The following LARP4B variants were observed in gnomAD, a reference collection of about 807,000 sequenced individuals.
LARP4B encodes La ribonucleoprotein 4B, also known as la-related protein 4B.
In LARP4B, 12 loss-of-function variants were observed where a neutral mutation model predicts 89.8. That is an observed-to-expected ratio of 0.13 (90% CI 0.09 to 0.22). The LOEUF (loss-of-function observed/expected upper bound fraction) is 0.22. Among genes scored for constraint, LARP4B ranks in the 10% least tolerant of loss-of-function variants. The probability of loss-of-function intolerance (pLI) is 1.00; values close to 1 mark genes in which losing one functional copy is unlikely to be tolerated. For missense variants in LARP4B, 757 were observed against 947.7 expected (o/e 0.80, Z 2.64); for synonymous variants, 367 against 363.3 (o/e 1.01, Z -0.12).
chr10:860,229 G>T (rs1307532723), intron 5 of LARP4B, among the ~76,000 whole-genome samples: 1 of 152,084 alleles, frequency 6.6e-6, no homozygotes, highest in African/African-American at 2.4e-5. Context: ...TAAAAAGGAT[G>T]TTTGATAGCA....
At chr10:872,650 A>G (rs1835276288) in intron 3 of LARP4B, among the ~76,000 whole-genome samples, 1 of 152,210 alleles carries the variant, frequency 6.6e-6, no homozygotes, top group African/African-American at 2.4e-5. Flanking sequence ...TAGCTGGGTA[A>G]CAGTGCAGAT....
At chr10:826,350 A>C (rs781414537) in intron 11 of LARP4B, among the ~76,000 whole-genome samples, 8 of 152,186 alleles carry the variant, frequency 5.3e-5, no homozygotes, top group Non-Finnish European at 7.3e-5. Flanking sequence ...CTTTACCCCG[A>C]CACAAGTCCT....
the LARP4B span, among the ~76,000 whole-genome samples, chr10:958,371 G>T: frequency 6.6e-6 from 1 of 152,176 alleles, no homozygotes; most frequent in Non-Finnish European, 1.5e-5. Flanking sequence ...TGTTCCTCAC[G>T]CTCAGTGCCT....
Position 813,079 on chromosome 10 carries a change from C to T in LARP4B, c.2064G>A (p.Glu688=). The change falls in exon 18 of 18, where the codon GAG becomes GAA. Residue 688 remains glutamate, a synonymous_variant. Coordinates refer to ENST00000316157, the MANE Select transcript of LARP4B (RefSeq NM_015155.3). The stretch of plus-strand genomic sequence containing the variant: ...GGGGCTCCCGGTATCTCTCTGCGGG[C>T]TCTGCCAGCTTCTTTTCCTCCTTCC... ...GCGKEEKKLA[E]PAERYREPPA... The T allele has an allele frequency of 6.2e-7, 1 of 1,614,196 alleles. No individual in the cohort carries two copies. The highest frequency in any genetic ancestry group is 8.5e-7 in the Non-Finnish European group (1 of 1,180,050).
chr10:864,079 G>A, intron 4 of LARP4B, 44 bp downstream of exon 4: 1 of 1,611,050 alleles, frequency 6.2e-7, no homozygotes, highest in Non-Finnish European at 8.5e-7. Context: ...AAAAGCACAG[G>A]CCTGAAAGCA....
the LARP4B span, among the ~76,000 whole-genome samples, chr10:951,378 G>A: frequency 0.2 from 30,239 of 151,802 alleles, 3,149 homozygotes; most frequent in East Asian, 0.32. Flanking sequence ...GTGAAACCCC[G>A]TCTCTACTAA....
intron 3 of LARP4B, among the ~76,000 whole-genome samples, chr10:877,694 G>A (rs1166727105): frequency 2.0e-5 from 3 of 152,192 alleles, no homozygotes. Context: ...AAACGGAAGT[G>A]TTAGGAGAGT....
chr10:850,469 T>C (rs1018240524), intron 5 of LARP4B, among the ~76,000 whole-genome samples: 1 of 152,180 alleles, frequency 6.6e-6, no homozygotes, highest in Non-Finnish European at 1.5e-5. Flanking sequence ...CAAAAAAGTC[T>C]TCAAAATACG....
rs377605447 is a variant in LARP4B, at chr10:819,620, A to C, written c.1530+1180T>G. ...AGGAATGCAAGGCAAAACAGAACGG[A>C]AGAGAAATGGCTGTGGGAAAACATC... On this transcript the variant is annotated intron_variant, in intron 14 of 17. Transcript: ENST00000316157. 1.9e-3 allele frequency: 295 copies of C among 152,412 alleles called. 1 individual carries two copies. The highest frequency in any genetic ancestry group is 6.7e-3 in the African/African-American group (277 of 41,590). The allele number at this position is 152,412 out of a possible 1,614,324, so 9.4% of individuals were successfully genotyped here.
At chr10:844,012 G>A (rs1833657045) in intron 6 of LARP4B, among the ~76,000 whole-genome samples, 1 of 152,246 alleles carries the variant, frequency 6.6e-6, no homozygotes, top group Non-Finnish European at 1.5e-5. Flanking sequence ...ATGTAATGTA[G>A]TGAACAAGGC....
intron 2 of LARP4B, among the ~76,000 whole-genome samples, chr10:885,048 A>G (rs1270413016): frequency 6.6e-6 from 1 of 152,196 alleles, no homozygotes; most frequent in African/African-American, 2.4e-5. Context: ...CCCAAAAAAT[A>G]TGGCACATTG....
At chr10:829,165 G>C (rs1037893005) in intron 11 of LARP4B, among the ~76,000 whole-genome samples, 1 of 152,194 alleles carries the variant, frequency 6.6e-6, no homozygotes. Context: ...TGACAAGAGG[G>C]GAGACGGGCT....
In LARP4B at chr10:812,873, G is replaced by C; in HGVS notation, c.*53C>G. The C allele has an allele frequency of 6.8e-7, 1 of 1,477,022 alleles. No individual in the cohort carries two copies. Among genetic ancestry groups the C allele is most frequent in the South Asian group, 1.4e-5 (1 of 70,486 alleles). The allele number at this position is 1,477,022 out of a possible 1,614,324, so 91.5% of individuals were successfully genotyped here. A position where few individuals can be genotyped will look rare whatever the true frequency, so the allele number is the denominator to read the frequency against. On this transcript the variant is annotated 3_prime_UTR_variant, in exon 18 of 18. Coordinates refer to ENST00000316157, the MANE Select transcript of LARP4B (RefSeq NM_015155.3). ...TCGCCCTCGCACTGAGTGGGAGAGTGTCTCGTTTGTGGTTAACACAGCGCT... is the reference window on the plus strand; with the variant it reads ...TCGCCCTCGCACTGAGTGGGAGAGTCTCTCGTTTGTGGTTAACACAGCGCT...
intron 3 of LARP4B, among the ~76,000 whole-genome samples, chr10:867,737 T>C (rs1834982531): frequency 6.6e-6 from 1 of 151,848 alleles, no homozygotes. Flanking sequence ...GGCACACACC[T>C]GTAATCCCAG....
upstream of LARP4B, among the ~76,000 whole-genome samples, chr10:933,953 C>T (rs1277987286): frequency 6.6e-6 from 1 of 152,002 alleles, no homozygotes; most frequent in Non-Finnish European, 1.5e-5. Context: ...CTGCCTCAGC[C>T]TCCGGAGTAG....
intron 14 of LARP4B, 179 bp from the exon 15 acceptor site, chr10:818,068 T>C: frequency 3.5e-6 from 2 of 579,206 alleles, no homozygotes; most frequent in South Asian, 4.9e-5. Context: ...AGCAGAGCTG[T>C]AAAACTGAAA....
intron 3 of LARP4B, among the ~76,000 whole-genome samples, chr10:876,384 T>G (rs1048943409): frequency 6.6e-6 from 1 of 151,074 alleles, no homozygotes; most frequent in Non-Finnish European, 1.5e-5. Context: ...AAACTCCGTC[T>G]CAGAAAAAAG....
chr10:871,813 G>C (rs1327377738), intron 3 of LARP4B, among the ~76,000 whole-genome samples: 1 of 152,142 alleles, frequency 6.6e-6, no homozygotes, highest in Non-Finnish European at 1.5e-5. Context: ...TATCTGCTTT[G>C]TTAACGTCCA....
rs544639095 is a variant in LARP4B at position 827,262 on chromosome 10, A to G, written c.1126-1392T>C. ...CTGCACTCCAGCCTGGGCGACAGAG[A>G]GAGACTCTGTCTCAAAGAAAAAGAA... On this transcript the variant is annotated intron_variant, in intron 11 of 17. Coordinates refer to ENST00000316157, the MANE Select transcript of LARP4B (RefSeq NM_015155.3). 1.3e-3 allele frequency among the ~76,000 whole-genome samples: 202 copies of G among 152,170 alleles called. 1 individual carries two copies. The highest frequency in any genetic ancestry group is 4.8e-3 in the African/African-American group (198 of 41,520).
Sources: gnomAD v4.1 joint callset for allele counts (sites outside exome capture counted in the v4.1 genomes callset) on GRCh38, gnomAD v4.1.1 for gene constraint, MANE v1.5 for transcripts, NCBI Gene and HGNC (gene_info 2026-07-23, HGNC 2026-07-21) for gene names.